The following ZEB1 variants were observed in gnomAD, a reference collection of about 807,000 sequenced individuals.
ZEB1 encodes zinc finger E-box binding homeobox 1, also known as zinc finger E-box-binding homeobox 1.
A neutral mutation model predicts 84.9 loss-of-function variants in ZEB1; 21 were observed. That is an observed-to-expected ratio of 0.25 (90% CI 0.18 to 0.36). ZEB1 has a LOEUF of 0.36. Among genes scored for constraint, ZEB1 ranks in the 10% least tolerant of loss-of-function variants. The probability of loss-of-function intolerance (pLI) is 1.00; values close to 1 mark genes in which losing one functional copy is unlikely to be tolerated. For missense variants in ZEB1, 1,104 were observed against 1,330.2 expected (o/e 0.83, Z 2.65); for synonymous variants, 420 against 471.1 (o/e 0.89, Z 1.41).
chr10:31,371,379 A>G (rs2045667553), intron 1 of ZEB1, among the ~76,000 whole-genome samples: 1 of 152,182 alleles, frequency 6.6e-6, no homozygotes, highest in Admixed American at 6.5e-5. Flanking sequence ...TCATTTGACT[A>G]AGGAATTTAT....
intron 1 of ZEB1, among the ~76,000 whole-genome samples, chr10:31,377,373 A>T (rs1391079823): frequency 6.6e-6 from 1 of 151,732 alleles, no homozygotes; most frequent in East Asian, 1.9e-4. Context: ...CTGCTCTGCC[A>T]CTAATAAACA....
chr10:31,373,263 T>G, intron 1 of ZEB1: 3 of 978,096 alleles, frequency 3.1e-6, no homozygotes, highest in South Asian at 9.5e-5. Context: ...TTTAGAACTT[T>G]TAAAATCTAG....
chr10:31,462,952 A>G (rs1254030247), intron 2 of ZEB1, among the ~76,000 whole-genome samples: 1 of 152,144 alleles, frequency 6.6e-6, no homozygotes, highest in Non-Finnish European at 1.5e-5. Flanking sequence ...AGAATTGGAA[A>G]GGGCTGTTTT....
chr10:31,380,911 G>T (rs1319588983), intron 1 of ZEB1, among the ~76,000 whole-genome samples: 1 of 152,154 alleles, frequency 6.6e-6, no homozygotes, highest in Non-Finnish European at 1.5e-5. Context: ...TATATACAGT[G>T]TTGGTCCTAT....
At chr10:31,450,650 A>C (rs1388234445) in intron 1 of ZEB1, among the ~76,000 whole-genome samples, 1 of 152,196 alleles carries the variant, frequency 6.6e-6, no homozygotes, top group Non-Finnish European at 1.5e-5. Flanking sequence ...TGTCATTCAT[A>C]ATCATTTATT....
At chr10:31,524,194 T>A in intron 8 of ZEB1, 81 bp downstream of exon 8, 1 of 1,437,636 alleles carries the variant, frequency 7.0e-7, no homozygotes. Context: ...AGTTTTAGAA[T>A]TTTCTTTCTT....
At chr10:31,348,236 C>T (rs1233706050) in intron 1 of ZEB1, among the ~76,000 whole-genome samples, 1 of 152,096 alleles carries the variant, frequency 6.6e-6, no homozygotes. Flanking sequence ...AGGGGAAATG[C>T]ACAAAACATG....
chr10:31,431,608 C>T (rs1401547549), intron 1 of ZEB1, among the ~76,000 whole-genome samples: 1 of 152,078 alleles, frequency 6.6e-6, no homozygotes, highest in Non-Finnish European at 1.5e-5. Context: ...AATCACACTT[C>T]AAAAAGTTAG....
intron 1 of ZEB1, among the ~76,000 whole-genome samples, chr10:31,329,279 A>G (rs1205776861): frequency 2.6e-5 from 4 of 152,168 alleles, no homozygotes; most frequent in African/African-American, 9.6e-5. Context: ...AAACCGAATC[A>G]TGCAGTATGT....
At chr10:31,362,413 G>A (rs1271222171) in intron 1 of ZEB1, among the ~76,000 whole-genome samples, 5 of 150,914 alleles carry the variant, frequency 3.3e-5, no homozygotes, top group African/African-American at 1.2e-4. Flanking sequence ...TAGGGGGGCC[G>A]GGCAGAGGCA....
At chr10:31,363,895 C>T (rs906195620) in intron 1 of ZEB1, 30 of 1,305,482 alleles carry the variant, frequency 2.3e-5, no homozygotes, top group East Asian at 1.0e-4. Context: ...GAGTGGGAAA[C>T]GGCCCACAAT....
At chr10:31,371,441 G>A (rs557181082) in intron 1 of ZEB1, among the ~76,000 whole-genome samples, 2 of 152,134 alleles carry the variant, frequency 1.3e-5, no homozygotes, top group Admixed American at 6.5e-5. Context: ...GCTATATTCC[G>A]TATTAATCAC....
At chr10:31,385,216 A>G (rs370439197) in intron 1 of ZEB1, among the ~76,000 whole-genome samples, 7 of 152,204 alleles carry the variant, frequency 4.6e-5, no homozygotes, top group African/African-American at 1.7e-4. Context: ...AAGGGTGGAC[A>G]TACATCCCAA....
intron 1 of ZEB1, among the ~76,000 whole-genome samples, chr10:31,421,717 T>G (rs1217793111): frequency 1.3e-5 from 2 of 152,168 alleles, no homozygotes. Context: ...TCTTTTCTCT[T>G]TGTTCTCTAC....
At chr10:31,489,580 A>G (rs1446272960) in intron 2 of ZEB1, among the ~76,000 whole-genome samples, 1 of 150,996 alleles carries the variant, frequency 6.6e-6, no homozygotes, top group Non-Finnish European at 1.5e-5. Context: ...GTTTTGGATC[A>G]TTTGAATATT....
rs184752955 is a variant in ZEB1, at chr10:31,456,344, G to A, written c.59-4693G>A. ...ATGGAGCAGCACATCACCAAGGCATGTGTATACCTATGTAACCTGCACGTT... is the reference window on the plus strand; with the variant it reads ...ATGGAGCAGCACATCACCAAGGCATATGTATACCTATGTAACCTGCACGTT... On this transcript the variant is annotated intron_variant, in intron 1 of 8. Coordinates refer to ENST00000424869, the MANE Select transcript of ZEB1 (RefSeq NM_001174096.2). Among the ~76,000 whole-genome samples, 1,336 of 152,172 alleles carry A rather than the reference G, an allele frequency of 8.8e-3. 4 individuals carry two copies. Among genetic ancestry groups the A allele is most frequent in the Non-Finnish European group, 0.014 (920 of 68,004 alleles).
At chr10:31,485,928 T>C (rs953094369) in intron 2 of ZEB1, among the ~76,000 whole-genome samples, 1 of 151,892 alleles carries the variant, frequency 6.6e-6, no homozygotes, top group East Asian at 1.9e-4. Context: ...CGTGATCTTT[T>C]GCTATCATTT....
Position 31,521,941 on chromosome 10 carries a change from AAAAT to A in ZEB1, c.2604+8_2604+11del. On this transcript the variant is annotated splice_donor_region_variant and intron_variant, in intron 7 of 8. Coordinates refer to ENST00000424869, the MANE Select transcript of ZEB1 (RefSeq NM_001174096.2). The stretch of plus-strand genomic sequence containing the variant: ...ATCCAGCCAAATGGAAATCAGGTAA[AAAAT>A]AACCTCCATCCTGAACCTGGCTAGT... 6.2e-7 allele frequency: 1 copy of A among 1,614,000 alleles called. No homozygotes were observed. The highest frequency in any genetic ancestry group is 8.5e-7 in the Non-Finnish European group (1 of 1,179,940).
chr10:31,491,497 T>G (rs1327328222), intron 2 of ZEB1, among the ~76,000 whole-genome samples: 1 of 151,832 alleles, frequency 6.6e-6, no homozygotes, highest in Non-Finnish European at 1.5e-5. Flanking sequence ...GAGCCTTCAC[T>G]GCCATGCCCC....
Sources: allele counts gnomAD v4.1 joint callset (sites outside exome capture counted in the v4.1 genomes callset), GRCh38; gene constraint gnomAD v4.1.1; transcripts MANE v1.5; gene names NCBI Gene and HGNC (gene_info 2026-07-23, HGNC 2026-07-21).